The following TCF3 variants were observed in gnomAD, a reference collection of about 807,000 sequenced individuals.
TCF3 encodes transcription factor E2-alpha.
TCF3 carries 54 observed loss-of-function variants against 72.3 expected under a neutral mutation model. That is an observed-to-expected ratio of 0.75 (90% CI 0.60 to 0.94). The LOEUF (loss-of-function observed/expected upper bound fraction) is 0.94, where lower values mean the gene tolerates loss of function less well. Among genes scored for constraint, TCF3 ranks in the 40% least tolerant of loss-of-function variants. The pLI, the probability that TCF3 is intolerant of heterozygous loss-of-function variation, is 0.00. For missense variants in TCF3, 1,078 were observed against 934.4 expected (o/e 1.15, Z -2.00); for synonymous variants, 525 against 412.6 (o/e 1.27, Z -3.30).
intron 3 of TCF3, among the ~76,000 whole-genome samples, chr19:1,641,382 T>C (rs970066713): frequency 6.6e-5 from 10 of 152,072 alleles, no homozygotes; most frequent in Non-Finnish European, 1.5e-4. Context: ...TCTGGGAGGC[T>C]GAGGTAAGAG....
intron 5 of TCF3, 63 bp downstream of exon 5, chr19:1,631,975 T>C: frequency 1.9e-6 from 3 of 1,580,160 alleles, no homozygotes; most frequent in South Asian, 1.2e-5. Context: ...GCACTGACCA[T>C]GCCAAGGCCC....
intron 3 of TCF3, among the ~76,000 whole-genome samples, chr19:1,644,338 C>T (rs1299378598): frequency 6.6e-6 from 1 of 152,162 alleles, no homozygotes; most frequent in Non-Finnish European, 1.5e-5. Flanking sequence ...CCTTGGAGCT[C>T]TGCATCCTCC....
intron 2 of TCF3, among the ~76,000 whole-genome samples, chr19:1,648,634 G>A (rs1036709841): frequency 5.3e-5 from 8 of 152,222 alleles, no homozygotes; most frequent in African/African-American, 1.9e-4. Context: ...TGGCCCTTCC[G>A]GAGCCTTGGC....
chr19:1,615,316 C>A lies in TCF3; in HGVS notation c.1791G>T (p.Ser597=). Residue 597 remains serine, a synonymous_variant, in exon 18 of 19, where the codon TCG becomes TCT. Coordinates refer to ENST00000262965, the MANE Select transcript of TCF3 (RefSeq NM_003200.5). This position sits in a 1 kb window ranked among gnomAD's most constrained non-coding sequence, Gnocchi z 7.3. ...TKLLILHQAV[S]VILNLEQQVR... ...CTTGCTGCTCCAAGTTCAGGATGACCGAGACAGCCTGGTGCAGGATGAGCA... is the reference window on the plus strand; with the variant it reads ...CTTGCTGCTCCAAGTTCAGGATGACAGAGACAGCCTGGTGCAGGATGAGCA... The A allele has an allele frequency of 6.2e-7, 1 of 1,603,916 alleles. No homozygotes were observed. Among genetic ancestry groups the A allele is most frequent in the East Asian group, 2.2e-5 (1 of 44,568 alleles).
At chr19:1,612,300 G>A in intron 18 of TCF3, 1 of 1,613,854 alleles carries the variant, frequency 6.2e-7, no homozygotes. Flanking sequence ...AGGTGCATCT[G>A]GCACATGCGC....
chr19:1,631,322 G>GC (rs1344380573), intron 5 of TCF3, among the ~76,000 whole-genome samples: 1 of 151,898 alleles, frequency 6.6e-6, no homozygotes. Flanking sequence ...AGGCTGGAGG[G>GC]CAATGGCGTG....
At chr19:1,630,806 ACCC>A (rs537953876) in intron 5 of TCF3, among the ~76,000 whole-genome samples, 3 of 151,014 alleles carry the variant, frequency 2.0e-5, no homozygotes, top group Non-Finnish European at 4.4e-5. Context: ...AAGCAGCGGG[ACCC>A]CCCCAAGACC....
chr19:1,611,938 G>GGT (rs2061033129), intron 18 of TCF3, 89 bp from the exon 19 acceptor site: 1 of 221,890 alleles, frequency 4.5e-6, no homozygotes, highest in Non-Finnish European at 8.7e-6. Flanking sequence ...GTCGGGGGGG[G>GGT]GGGTGGGGGC....
Position 1,611,787 on chromosome 19 carries a change from C to T in TCF3, c.1885G>A (p.Val629Met), listed in dbSNP as rs778610405. 15 of 1,613,732 alleles carry T rather than the reference C, an allele frequency of 9.3e-6. No homozygotes were observed. In the Admixed American group the frequency reaches 2.3e-4, roughly 25 times the overall value. ...KRREEEKVSG[V>M]VGDPQMVLSA... ...AGCACCATCTGGGGGTCTCCAACCA[C>T]ACCTGACACCTTTTCCTCTTCTCGC... Residue 629 changes from valine to methionine, a missense_variant, in exon 19 of 19, where the codon GTG (valine) becomes ATG (methionine). By Grantham distance (21) the Val-to-Met change is conservative. Transcript: ENST00000262965.
At chr19:1,629,425 C>T (rs953537969) in intron 5 of TCF3, among the ~76,000 whole-genome samples, 3 of 152,156 alleles carry the variant, frequency 2.0e-5, no homozygotes, top group African/African-American at 7.2e-5. Flanking sequence ...CCCTGGGGCG[C>T]TCAGTGACAA....
chr19:1,642,332 G>A lies in TCF3; in HGVS notation c.145+4023C>T, dbSNP rs376998818. ...CGCACGCACACACAGACACACACAC[G>A]TGCGTGTAAAGCCGGTGGAATCTGA... On this transcript the variant is annotated intron_variant, in intron 3 of 18. Coordinates refer to ENST00000262965, the MANE Select transcript of TCF3 (RefSeq NM_003200.5). Among the ~76,000 whole-genome samples, 29 of 152,226 alleles carry A rather than the reference G, an allele frequency of 1.9e-4. No individual in the cohort carries two copies. In the East Asian group the frequency reaches 3.1e-3, roughly 16 times the overall value.
At chr19:1,636,630 A>C (rs1164232827) in intron 3 of TCF3, among the ~76,000 whole-genome samples, 1 of 152,160 alleles carries the variant, frequency 6.6e-6, no homozygotes, top group Non-Finnish European at 1.5e-5. Flanking sequence ...AAGATGAAAG[A>C]CCAGGATGCC....
In TCF3 at chr19:1,624,110, C is replaced by A. The variant is rs1039399396; in HGVS notation, c.500-110G>T. 106 of 1,172,568 alleles carry A rather than the reference C, an allele frequency of 9.0e-5. 1 individual carries two copies. Among genetic ancestry groups the A allele is most frequent in the Non-Finnish European group, 1.2e-4 (94 of 814,998 alleles). 72.6% of individuals were successfully genotyped at this position (1,172,568 alleles called of 1,614,324 possible). ...TTCCCGTTTCATATATTAAAAACCTCGGGTCGGCTGGGTGCGGTGCCTCAT... is the reference window on the plus strand; with the variant it reads ...TTCCCGTTTCATATATTAAAAACCTAGGGTCGGCTGGGTGCGGTGCCTCAT... On this transcript the variant is annotated intron_variant, in intron 7 of 18. Coordinates refer to ENST00000262965, the MANE Select transcript of TCF3 (RefSeq NM_003200.5).
At chr19:1,645,720 C>T (rs1365397598) in intron 3 of TCF3, among the ~76,000 whole-genome samples, 5 of 152,210 alleles carry the variant, frequency 3.3e-5, no homozygotes, top group Admixed American at 1.3e-4. Context: ...CAGGACCCCA[C>T]GTCTCCCCTA....
intron 3 of TCF3, among the ~76,000 whole-genome samples, chr19:1,641,940 A>G (rs1357131506): frequency 1.3e-5 from 2 of 151,912 alleles, no homozygotes; most frequent in East Asian, 1.9e-4. Flanking sequence ...AGCTGCTCAC[A>G]AGGCTGAGGT....
chr19:1,633,395 G>T (rs964714721), intron 3 of TCF3, among the ~76,000 whole-genome samples: 1 of 152,052 alleles, frequency 6.6e-6, no homozygotes, highest in Non-Finnish European at 1.5e-5. Flanking sequence ...AGGCCTGGGG[G>T]ACCCAGCCCA....
rs756899284 is a variant in TCF3, at chr19:1,611,041, C to T, written c.*666G>A. On this transcript the variant is annotated 3_prime_UTR_variant, in exon 19 of 19. Coordinates refer to ENST00000262965, the MANE Select transcript of TCF3 (RefSeq NM_003200.5). The stretch of plus-strand genomic sequence containing the variant: ...AGTCTAGGAACAGCAGCAGAAATAG[C>T]GAGAGACACGGGACTTTTATACAAA... The T allele has an allele frequency of 1.8e-4, 41 of 226,268 alleles. No homozygotes were observed. The highest frequency in any genetic ancestry group is 1.1e-3 in the Admixed American group (19 of 17,332). 14.0% of individuals were successfully genotyped at this position (226,268 alleles called of 1,614,324 possible). A position where few individuals can be genotyped will look rare whatever the true frequency, so the allele number is the denominator to read the frequency against.
chr19:1,618,651 TA>T (rs1360904690), intron 16 of TCF3, among the ~76,000 whole-genome samples: 1 of 152,158 alleles, frequency 6.6e-6, no homozygotes, highest in Non-Finnish European at 1.5e-5. Context: ...GGTACTTGCC[TA>T]CTCTTGCCTC....
In TCF3 at chr19:1,612,321, G is replaced by T. The variant is rs757572121; in HGVS notation, c.1823-472C>A. ...ATCTGGCACATGCGCCCCAGCTCCC[G>T]GAAGGCCTCGTTAATATCCCGCACG... On this transcript the variant is annotated intron_variant, in intron 18 of 18. Transcript: ENST00000262965. The T allele has an allele frequency of 1.2e-6, 2 of 1,613,932 alleles. No individual in the cohort carries two copies. The highest frequency in any genetic ancestry group is 3.3e-5 in the Admixed American group (2 of 60,018).
Sources: gnomAD v4.1 joint callset for allele counts (sites outside exome capture counted in the v4.1 genomes callset) on GRCh38, gnomAD v4.1.1 for gene constraint, Gnocchi (gnomAD v3.1) non-coding constraint, MANE v1.5 for transcripts, NCBI Gene and HGNC (gene_info 2026-07-23, HGNC 2026-07-21) for gene names.